GRM5: variants seen among roughly 807,000 people sequenced by gnomAD.
GRM5 encodes metabotropic glutamate receptor 5.
A neutral mutation model predicts 83.1 loss-of-function variants in GRM5; 19 were observed. That is an observed-to-expected ratio of 0.23 (90% CI 0.16 to 0.34). The LOEUF is 0.34. Among genes scored for constraint, GRM5 ranks in the 10% least tolerant of loss-of-function variants. The pLI is 1.00. For missense variants in GRM5, 1,160 were observed against 1,588.3 expected, an observed-to-expected ratio of 0.73 and a Z score of 4.58; for synonymous variants, 675 against 633.6, an observed-to-expected ratio of 1.07 and a Z score of -0.98.
intron 2 of GRM5, among the ~76,000 whole-genome samples, chr11:89,023,113 T>C (rs1279213698): frequency 6.6e-6 from 1 of 151,560 alleles, no homozygotes; most frequent in Non-Finnish European, 1.5e-5. Context: ...TGTACTATTA[T>C]GGGGCATGAA....
At chr11:88,629,628 C>G (rs959808315) in intron 4 of GRM5, among the ~76,000 whole-genome samples, 3 of 152,156 alleles carry the variant, frequency 2.0e-5, no homozygotes, top group African/African-American at 7.2e-5. Flanking sequence ...ACCCATACCA[C>G]ACTCGCTTAC....
intron 3 of GRM5, among the ~76,000 whole-genome samples, chr11:88,769,795 G>A (rs1310912394): frequency 6.6e-6 from 1 of 152,002 alleles, no homozygotes; most frequent in Non-Finnish European, 1.5e-5. Context: ...AATAATCAAC[G>A]ATGCAAAAGA....
intron 2 of GRM5, among the ~76,000 whole-genome samples, chr11:88,974,848 T>A (rs1009505567): frequency 6.6e-6 from 1 of 152,030 alleles, no homozygotes; most frequent in Non-Finnish European, 1.5e-5. Flanking sequence ...GAAAGAAAAA[T>A]AGGAAAGACA....
At chr11:89,029,416 G>T (rs996910120) in intron 2 of GRM5, among the ~76,000 whole-genome samples, 3 of 152,114 alleles carry the variant, frequency 2.0e-5, no homozygotes, top group Non-Finnish European at 2.9e-5. Flanking sequence ...TAGTGAGAAG[G>T]TTGATAGAAA....
rs922705067 is a variant in GRM5, at chr11:88,509,560, T to C, written c.2727-56A>G. 1.7e-5 allele frequency: 23 copies of C among 1,349,700 alleles called. No individual in the cohort carries two copies. In the African/African-American group the frequency reaches 2.5e-4, roughly 14 times the overall value. 83.6% of individuals were successfully genotyped at this position (1,349,700 alleles called of 1,614,324 possible). A position where few individuals can be genotyped will look rare whatever the true frequency, so the allele number is the denominator to read the frequency against. On this transcript the variant is annotated intron_variant, in intron 9 of 9. Coordinates refer to ENST00000305447, the MANE Select transcript of GRM5 (RefSeq NM_001143831.3). ...CAGCGAGGTGCCCAGGGGGCTTGGA[T>C]GCCGCTTCCCCAATGGTGGTTGCTC...
At chr11:88,547,718 G>A (rs1942416692) in intron 8 of GRM5, among the ~76,000 whole-genome samples, 1 of 152,114 alleles carries the variant, frequency 6.6e-6, no homozygotes, top group Non-Finnish European at 1.5e-5. Context: ...GGAGTAGGCT[G>A]GCAGTCATGG....
intron 2 of GRM5, among the ~76,000 whole-genome samples, chr11:88,896,568 C>CA (rs1355233265): frequency 2.0e-5 from 3 of 151,642 alleles, no homozygotes; most frequent in Admixed American, 2.0e-4. Context: ...ATTATGGAAG[C>CA]AAAAAAATCC....
Position 88,567,150 on chromosome 11 carries a change from T to A in GRM5, c.2533A>T (p.Met845Leu). 6.2e-7 allele frequency: 1 copy of A among 1,614,034 alleles called. No individual in the cohort carries two copies. The highest frequency in any genetic ancestry group is 8.5e-7 in the Non-Finnish European group (1 of 1,179,888). Reference protein sequence around the residue: ...SAFTTSTVVRMHVGDGKSSSA... With the variant: ...SAFTTSTVVRLHVGDGKSSSA... ...GATGACTTGCCATCCCCTACATGCA[T>A]GCGCACCACGGTAGATGTGGTGAAG... Residue 845 changes from methionine (M) to leucine (L), a missense_variant, in exon 8 of 10, where the codon ATG becomes TTG. Coordinates refer to ENST00000305447, the MANE Select transcript of GRM5 (RefSeq NM_001143831.3). This position sits in a 1 kb window ranked among gnomAD's most constrained non-coding sequence, Gnocchi z 7.3.
chr11:88,965,355 C>T (rs1259361126), intron 2 of GRM5, among the ~76,000 whole-genome samples: 1 of 152,034 alleles, frequency 6.6e-6, no homozygotes, highest in Non-Finnish European at 1.5e-5. Flanking sequence ...CACTCTCTGG[C>T]CTTTTCTTCT....
chr11:88,687,781 T>C (rs1940685262), intron 3 of GRM5, among the ~76,000 whole-genome samples: 1 of 149,794 alleles, frequency 6.7e-6, no homozygotes, highest in Admixed American at 6.7e-5. Flanking sequence ...TGAGTTCTCC[T>C]GCTAGTTAAC....
At chr11:88,660,120 T>C (rs1939866838) in intron 3 of GRM5, among the ~76,000 whole-genome samples, 1 of 152,228 alleles carries the variant, frequency 6.6e-6, no homozygotes, top group Non-Finnish European at 1.5e-5. Flanking sequence ...ATGACCTGCC[T>C]GAATGGGCAT....
chr11:88,970,133 T>C (rs1289961144), intron 2 of GRM5, among the ~76,000 whole-genome samples: 4 of 152,140 alleles, frequency 2.6e-5, no homozygotes, highest in Non-Finnish European at 5.9e-5. Context: ...TATAATATTA[T>C]AAAGATAATA....
intron 1 of GRM5, among the ~76,000 whole-genome samples, chr11:89,063,937 G>C (rs563572382): frequency 6.6e-6 from 1 of 152,144 alleles, no homozygotes; most frequent in Non-Finnish European, 1.5e-5. Flanking sequence ...CAGCACCTGG[G>C]ATACAAATCC....
chr11:88,706,085 C>T (rs1164765804), intron 3 of GRM5, among the ~76,000 whole-genome samples: 1 of 152,038 alleles, frequency 6.6e-6, no homozygotes, highest in Non-Finnish European at 1.5e-5. Context: ...TCTTGGGATT[C>T]AAAATCTGAC....
At chr11:88,784,358 C>T (rs1048039756) in intron 3 of GRM5, among the ~76,000 whole-genome samples, 2 of 151,996 alleles carry the variant, frequency 1.3e-5, no homozygotes, top group Non-Finnish European at 2.9e-5. Flanking sequence ...ACTTATGTGC[C>T]CACCATAGGA....
At chr11:88,892,709 T>G (rs898078870) in intron 2 of GRM5, among the ~76,000 whole-genome samples, 2 of 152,036 alleles carry the variant, frequency 1.3e-5, no homozygotes, top group Non-Finnish European at 2.9e-5. Flanking sequence ...TTTTTAAGCT[T>G]TTTACCTACA....
chr11:88,534,378 A>C (rs981214493), intron 8 of GRM5, among the ~76,000 whole-genome samples: 2 of 152,198 alleles, frequency 1.3e-5, no homozygotes, highest in African/African-American at 4.8e-5. Context: ...AGACCATGGG[A>C]GGTCACCTCT....
At chr11:88,882,776 C>A (rs748681801) in intron 2 of GRM5, among the ~76,000 whole-genome samples, 3 of 151,996 alleles carry the variant, frequency 2.0e-5, no homozygotes, top group Non-Finnish European at 4.4e-5. Flanking sequence ...CAAGGTTTGG[C>A]TGTGTTCCCA....
At chr11:88,938,755 T>C (rs545206892) in intron 2 of GRM5, among the ~76,000 whole-genome samples, 1 of 151,732 alleles carries the variant, frequency 6.6e-6, no homozygotes, top group African/African-American at 2.4e-5. Flanking sequence ...CATTTGAATG[T>C]CTTTTTTTAA....
Sources: allele counts gnomAD v4.1 joint callset (sites outside exome capture counted in the v4.1 genomes callset), GRCh38; gene constraint gnomAD v4.1.1; non-coding constraint Gnocchi (gnomAD v3.1); transcripts MANE v1.5; gene names NCBI Gene and HGNC (gene_info 2026-07-23, HGNC 2026-07-21).